The following NEIL3 variants were observed in gnomAD, a reference collection of about 807,000 sequenced individuals.
The protein encoded by NEIL3 is nei like DNA glycosylase 3.
Under a neutral mutation model 57.5 loss-of-function variants are expected in NEIL3, and 48 were observed. The observed-to-expected ratio is 0.83, with a 90% confidence interval of 0.66 to 1.06. The LOEUF (loss-of-function observed/expected upper bound fraction) is 1.06. Ranked by LOEUF, NEIL3 falls within the 50% of genes least tolerant of loss-of-function variation. The pLI is 0.00. For missense variants in NEIL3, 717 were observed against 739.1 expected (o/e 0.97, Z 0.35); for synonymous variants, 261 against 253.2 (o/e 1.03, Z -0.29).
rs780112940 is a variant in NEIL3 at position 177,362,272 on chromosome 4, A to T, written c.1636-17A>T. On this transcript the variant is annotated splice_polypyrimidine_tract_variant and intron_variant, in intron 9 of 9. Coordinates refer to ENST00000264596, the MANE Select transcript of NEIL3 (RefSeq NM_018248.3). ...AACTTTTGTATAAACTTGTAAATTT[A>T]CCTTTTTTTCCTGCAGTGGGCAGAT... The T allele has an allele frequency of 6.3e-7, 1 of 1,585,368 alleles. No individual in the cohort carries two copies. The highest frequency in any genetic ancestry group is 8.6e-7 in the Non-Finnish European group (1 of 1,167,256).
In NEIL3 at chr4:177,351,542, G is replaced by C. The variant is rs566259651; in HGVS notation, c.1032G>C (p.Arg344Ser). ...SKACDACLTSRPIDSVLKSEE... is the reference protein window; with the variant it reads ...SKACDACLTSSPIDSVLKSEE... ...CATGTGATGCTTGCTTGACCTCAAG[G>C]CCTATTGGTAAGACTGAATTTTGAT... Residue 344 changes from arginine (R) to serine (S), a missense_variant, in exon 7 of 10, where the codon AGG becomes AGC. Arg to Ser is a moderately radical substitution (Grantham distance 110, BLOSUM62 -1). Coordinates refer to ENST00000264596, the MANE Select transcript of NEIL3 (RefSeq NM_018248.3). The C allele has an allele frequency of 1.2e-6, 2 of 1,610,628 alleles. No homozygotes were observed. The highest frequency in any genetic ancestry group is 1.1e-5 in the South Asian group (1 of 90,196).
chr4:177,352,641 T>C (rs1480755980), intron 7 of NEIL3, among the ~76,000 whole-genome samples: 1 of 151,940 alleles, frequency 6.6e-6, no homozygotes, highest in Non-Finnish European at 1.5e-5. Flanking sequence ...CCATCCTGGC[T>C]AACATGGTGA....
intron 4 of NEIL3, 70 bp from the exon 5 acceptor site, chr4:177,339,713 C>A: frequency 1.0e-6 from 1 of 982,894 alleles, no homozygotes; most frequent in African/African-American, 1.6e-5. Flanking sequence ...ACAGAATTGG[C>A]AAGGCGTATT....
intron 1 of NEIL3, among the ~76,000 whole-genome samples, chr4:177,318,611 T>A (rs1437715829): frequency 6.6e-6 from 1 of 152,192 alleles, no homozygotes; most frequent in Non-Finnish European, 1.5e-5. Context: ...GGGCCTTTGC[T>A]CTGTCATTCC....
intron 5 of NEIL3, among the ~76,000 whole-genome samples, chr4:177,341,162 G>A (rs1735083031): frequency 6.6e-6 from 1 of 151,948 alleles, no homozygotes; most frequent in Non-Finnish European, 1.5e-5. Flanking sequence ...AGCCTTAAAA[G>A]TGTAAAAGAC....
chr4:177,353,177 G>T, intron 7 of NEIL3, 131 bp from the exon 8 acceptor site: 3 of 691,282 alleles, frequency 4.3e-6, no homozygotes, highest in Non-Finnish European at 7.2e-6. Flanking sequence ...CTAACTTTGT[G>T]TTATTAGTTC....
At chr4:177,335,848 T>C (rs768422108) in intron 3 of NEIL3, 26 bp downstream of exon 3, 2 of 1,509,498 alleles carry the variant, frequency 1.3e-6, no homozygotes, top group Non-Finnish European at 1.8e-6. Flanking sequence ...TAAAAGTACT[T>C]ACGCTGCAAT....
At chr4:177,335,926 T>A in intron 3 of NEIL3, 104 bp downstream of exon 3, 1 of 1,182,304 alleles carries the variant, frequency 8.5e-7, no homozygotes, top group Non-Finnish European at 1.2e-6. Context: ...AGTTTGTAAT[T>A]GATGAAACCT....
Position 177,341,583 on chromosome 4 carries a change from C to T in NEIL3, c.810C>T (p.Asn270=), listed in dbSNP as rs1430883223. The change falls in exon 6 of 10, where the codon AAC becomes AAT. Residue 270 remains asparagine, a synonymous_variant. Coordinates refer to ENST00000264596, the MANE Select transcript of NEIL3 (RefSeq NM_018248.3). ...CTGTGTGCCGCTTTGGGGACAATAA[C>T]AGAATGACATATTTCTGTCCTCACT... ...RITVCRFGDN[N]RMTYFCPHCQ... is the part of the protein sequence containing the mutation. 9 of 1,613,452 alleles carry T rather than the reference C, an allele frequency of 5.6e-6. No individual in the cohort carries two copies. The African/African-American group carries it at 1.1e-4, about 19-fold the overall frequency.
intron 5 of NEIL3, among the ~76,000 whole-genome samples, 200 bp from the exon 6 acceptor site, chr4:177,341,276 C>A (rs956535726): frequency 4.6e-5 from 7 of 152,094 alleles, no homozygotes; most frequent in African/African-American, 1.7e-4. Context: ...TTATTTCACA[C>A]AAATTTTATT....
intron 1 of NEIL3, among the ~76,000 whole-genome samples, chr4:177,316,503 T>C (rs541450065): frequency 7.9e-5 from 12 of 152,220 alleles, no homozygotes; most frequent in African/African-American, 2.4e-4. Context: ...AAATAAGATA[T>C]TGGGATGTTA....
In NEIL3 at chr4:177,339,805, A is replaced by G. The variant is rs779990164; in HGVS notation, c.650A>G (p.Gln217Arg). 1.9e-6 allele frequency: 3 copies of G among 1,613,778 alleles called. No homozygotes were observed. The South Asian group carries it at 3.3e-5, about 18-fold the overall frequency. Residue 217 changes from glutamine to arginine, a missense_variant, in exon 5 of 10, where the codon CAG becomes CGG. Physicochemically the swap from Gln to Arg is conservative, Grantham distance 43 (BLOSUM62 1). Transcript: ENST00000264596. Reference protein sequence around the residue: ...AVKVCQLTDEQIHHLMKMIRD... With the variant: ...AVKVCQLTDERIHHLMKMIRD... ...AAGGTTTGTCAATTAACAGATGAAC[A>G]GATCCATCACCTCATGAAAATGATA...
chr4:177,346,648 T>C (rs1735226421), intron 6 of NEIL3, among the ~76,000 whole-genome samples: 1 of 152,250 alleles, frequency 6.6e-6, no homozygotes, highest in South Asian at 2.1e-4. Flanking sequence ...TGGCGAATAC[T>C]ACCAGATTCA....
intron 1 of NEIL3, among the ~76,000 whole-genome samples, chr4:177,313,538 T>C (rs1161021751): frequency 2.0e-5 from 3 of 152,174 alleles, no homozygotes; most frequent in African/African-American, 7.2e-5. Flanking sequence ...AGAAACAATA[T>C]TGGAATATAA....
At position 177,360,487 on chromosome 4, in the gene NEIL3, TA is replaced by T. The variant is rs764860134; in HGVS notation, c.1461-14del. ...GCACTCCTATGCTGTACTTATTTTG[TA>T]ACCTGTCATTACAGTGAACTTCAAA... is the stretch of plus-strand genomic sequence containing the variant. On this transcript the variant is annotated splice_polypyrimidine_tract_variant and intron_variant, in intron 8 of 9. Coordinates refer to ENST00000264596, the MANE Select transcript of NEIL3 (RefSeq NM_018248.3). 1 of 1,608,072 alleles carries T rather than the reference TA, an allele frequency of 6.2e-7. No homozygotes were observed. Among genetic ancestry groups the T allele is most frequent in the South Asian group, 1.1e-5 (1 of 90,232 alleles).
rs1255794715 is a variant in NEIL3 at position 177,341,565 on chromosome 4, C to T, written c.792C>T (p.Cys264=). ...CGQCHCRITV[C]RFGDNNRMTY... is the part of the protein sequence containing the mutation. Reference sequence around the variant, plus strand: ...AGTGCCACTGCAGAATAACTGTGTGCCGCTTTGGGGACAATAACAGAATGA... The same window carrying T: ...AGTGCCACTGCAGAATAACTGTGTGTCGCTTTGGGGACAATAACAGAATGA... Residue 264 remains cysteine, a synonymous_variant, in exon 6 of 10, where the codon TGC becomes TGT. Coordinates refer to ENST00000264596, the MANE Select transcript of NEIL3 (RefSeq NM_018248.3). 3.7e-6 allele frequency: 6 copies of T among 1,613,420 alleles called. No homozygotes were observed. The highest frequency in any genetic ancestry group is 5.1e-6 in the Non-Finnish European group (6 of 1,179,786).
chr4:177,334,095 C>A (rs1409405441), intron 2 of NEIL3, among the ~76,000 whole-genome samples: 2 of 151,480 alleles, frequency 1.3e-5, no homozygotes, highest in Non-Finnish European at 2.9e-5. Flanking sequence ...GCAAATGAAA[C>A]CCTAAAAATG....
chr4:177,312,447 T>C (rs1734494534), intron 1 of NEIL3, among the ~76,000 whole-genome samples: 1 of 152,232 alleles, frequency 6.6e-6, no homozygotes, highest in Non-Finnish European at 1.5e-5. Flanking sequence ...AATCTTGGAT[T>C]TTTGGCTGTG....
rs35439632 is a variant in NEIL3 at position 177,351,389 on chromosome 4, G to A, written c.879G>A (p.Pro293=). The change falls in exon 7 of 10, where the codon CCG becomes CCA. Residue 293 remains proline (P), a synonymous_variant. Coordinates refer to ENST00000264596, the MANE Select transcript of NEIL3 (RefSeq NM_018248.3). ...AAAAATTATCTTATAGCAAGCTACC[G>A]ACTAGAAATACTATAATCAGTTGGA... ...NPQHVDICKL[P]TRNTIISWTS... 6.4e-4 allele frequency: 1,030 copies of A among 1,606,000 alleles called. 4 individuals are homozygous for A. The East Asian group carries it at 0.016, about 25-fold the overall frequency.
Sources: allele counts gnomAD v4.1 joint callset (sites outside exome capture counted in the v4.1 genomes callset), GRCh38; gene constraint gnomAD v4.1.1; transcripts MANE v1.5; gene names NCBI Gene and HGNC (gene_info 2026-07-23, HGNC 2026-07-21).